The following CREBBP variants were observed in gnomAD, a reference collection of about 807,000 sequenced individuals.
The protein encoded by CREBBP is CREB-binding protein.
CREBBP carries 19 observed loss-of-function variants against 265.0 expected under a neutral mutation model. The ratio of observed to expected loss-of-function variants is 0.07; its 90% CI spans 0.05 to 0.11. The LOEUF (loss-of-function observed/expected upper bound fraction) is 0.11. Ranked by LOEUF, CREBBP falls within the 10% of genes least tolerant of loss-of-function variation. The pLI is 1.00. For synonymous variants in CREBBP, 1,457 were observed against 1,223.7 expected, an observed-to-expected ratio of 1.19 and a Z score of -3.98; for missense variants, 2,525 against 3,219.0, an observed-to-expected ratio of 0.78 and a Z score of 5.22.
chr16:3,805,754 A>T (rs1438538020), intron 3 of CREBBP, among the ~76,000 whole-genome samples: 2 of 152,210 alleles, frequency 1.3e-5, no homozygotes, highest in Non-Finnish European at 2.9e-5. Flanking sequence ...CCACAGTGGG[A>T]CAGCTGGTCA....
At chr16:3,732,045 C>T in intron 28 of CREBBP, 108 bp from the exon 29 acceptor site, 1 of 1,597,304 alleles carries the variant, frequency 6.3e-7, no homozygotes, top group Non-Finnish European at 8.5e-7. Flanking sequence ...CAAAGTAGGT[C>T]ACCACCAGGC....
At chr16:3,739,308 C>T in intron 25 of CREBBP, 2 of 504,812 alleles carry the variant, frequency 4.0e-6, no homozygotes, top group Admixed American at 6.5e-5. Context: ...CAGGCTGTCC[C>T]ATCCCAACTC....
intron 3 of CREBBP, among the ~76,000 whole-genome samples, chr16:3,810,045 T>C (rs2053906100): frequency 6.6e-6 from 1 of 152,176 alleles, no homozygotes; most frequent in Non-Finnish European, 1.5e-5. Context: ...ATTTTCCCAT[T>C]AATATCTTGA....
intron 1 of CREBBP, among the ~76,000 whole-genome samples, chr16:3,856,492 A>AT (rs959763695): frequency 2.6e-5 from 4 of 151,304 alleles, no homozygotes; most frequent in Admixed American, 6.6e-5. Flanking sequence ...AATTAAAAAA[A>AT]TTTTTTTTTG....
intron 2 of CREBBP, among the ~76,000 whole-genome samples, chr16:3,817,464 G>C (rs548535825): frequency 6.1e-5 from 9 of 147,950 alleles, no homozygotes; most frequent in African/African-American, 2.2e-4. Context: ...CTAACCAGGA[G>C]AATCTCTCTA....
intron 1 of CREBBP, among the ~76,000 whole-genome samples, chr16:3,869,930 G>T (rs919618841): frequency 6.6e-6 from 1 of 152,166 alleles, no homozygotes; most frequent in Non-Finnish European, 1.5e-5. Context: ...CTTCTCAACA[G>T]AAGTTCAACT....
intron 3 of CREBBP, among the ~76,000 whole-genome samples, chr16:3,807,785 G>C (rs569673112): frequency 7.9e-5 from 12 of 152,250 alleles, no homozygotes; most frequent in Admixed American, 5.9e-4. Flanking sequence ...AAGATGTTGG[G>C]GAGACCATGT....
intron 1 of CREBBP, among the ~76,000 whole-genome samples, chr16:3,874,079 C>T (rs147672901): frequency 3.9e-5 from 6 of 152,156 alleles, no homozygotes; most frequent in South Asian, 4.2e-4. Context: ...CAAAGACGGA[C>T]GAGAAATGCC....
chr16:3,799,667 T>C (rs1409009614), intron 3 of CREBBP, among the ~76,000 whole-genome samples: 1 of 152,224 alleles, frequency 6.6e-6, no homozygotes, highest in Non-Finnish European at 1.5e-5. Flanking sequence ...AAATGTCTAT[T>C]AAAGGTGGAC....
intron 10 of CREBBP, 45 bp downstream of exon 10, chr16:3,777,966 C>T (rs1338862740): frequency 6.2e-7 from 1 of 1,603,232 alleles, no homozygotes; most frequent in African/African-American, 1.3e-5. Flanking sequence ...GAAGGAAAAC[C>T]AAGGAAACAG....
intron 5 of CREBBP, among the ~76,000 whole-genome samples, chr16:3,790,294 T>C (rs2053476284): frequency 2.6e-5 from 4 of 151,842 alleles, no homozygotes; most frequent in African/African-American, 7.3e-5. Context: ...ATAAGAAATG[T>C]CCAGGGAAAT....
chr16:3,778,131 G>A lies in CREBBP; in HGVS notation c.1993C>T (p.Leu665=), dbSNP rs971612814. The A allele has an allele frequency of 1.2e-6, 2 of 1,613,302 alleles. No homozygotes were observed. The highest frequency in any genetic ancestry group is 1.7e-6 in the Non-Finnish European group (2 of 1,179,280). The change falls in exon 10 of 31, where the codon CTA becomes TTA. Residue 665 remains leucine (L), a synonymous_variant. Coordinates refer to ENST00000262367, the MANE Select transcript of CREBBP (RefSeq NM_004380.3). ...AEKIYKIQKE[L]EEKRRSRLHK... is the part of the protein sequence containing the mutation. ...AAACGCGACCTCCGTTTTTCTTCTA[G>A]TTCTTTTTGTATCTTGTAGATTTTC... is the stretch of plus-strand genomic sequence containing the variant.
At chr16:3,756,485 A>G (rs546375012) in intron 19 of CREBBP, among the ~76,000 whole-genome samples, 5 of 152,344 alleles carry the variant, frequency 3.3e-5, no homozygotes, top group African/African-American at 4.8e-5. Context: ...CAGGAGATCT[A>G]TTCTTTAGCC....
At chr16:3,798,022 A>C (rs191770085) in intron 3 of CREBBP, among the ~76,000 whole-genome samples, 10 of 152,330 alleles carry the variant, frequency 6.6e-5, no homozygotes. Context: ...AAACACAAAG[A>C]AACGACAAAT....
chr16:3,779,533 T>A (rs1160076177), intron 8 of CREBBP, among the ~76,000 whole-genome samples: 2 of 152,168 alleles, frequency 1.3e-5, no homozygotes, highest in African/African-American at 4.8e-5. Context: ...GTATCTCTGG[T>A]GGCAATACAG....
At chr16:3,838,319 G>C (rs2054497465) in intron 2 of CREBBP, among the ~76,000 whole-genome samples, 1 of 152,176 alleles carries the variant, frequency 6.6e-6, no homozygotes, top group South Asian at 2.1e-4. Flanking sequence ...TAGCCTAGGT[G>C]TGTAACAGGC....
intron 1 of CREBBP, among the ~76,000 whole-genome samples, chr16:3,873,710 AT>A (rs1321842757): frequency 6.6e-6 from 1 of 152,130 alleles, no homozygotes; most frequent in Non-Finnish European, 1.5e-5. Context: ...CAGAGAGCTG[AT>A]GTAACTTGCC....
At chr16:3,862,555 A>T (rs578195602) in intron 1 of CREBBP, among the ~76,000 whole-genome samples, 36 of 152,266 alleles carry the variant, frequency 2.4e-4, no homozygotes, top group African/African-American at 8.7e-4. Flanking sequence ...TTTTCCTGTC[A>T]TATGCTGTGT....
intron 2 of CREBBP, among the ~76,000 whole-genome samples, chr16:3,838,725 T>C (rs2054506151): frequency 6.6e-6 from 1 of 152,176 alleles, no homozygotes; most frequent in Non-Finnish European, 1.5e-5. Flanking sequence ...ATCAACTTTT[T>C]AAAAGTTGAT....
Sources: allele counts gnomAD v4.1 joint callset (sites outside exome capture counted in the v4.1 genomes callset), GRCh38; gene constraint gnomAD v4.1.1; transcripts MANE v1.5; gene names NCBI Gene and HGNC (gene_info 2026-07-23, HGNC 2026-07-21).